WNK1: variants seen among roughly 807,000 people sequenced by gnomAD.
WNK1 encodes the protein serine/threonine-protein kinase WNK1.
A neutral mutation model predicts 222.8 loss-of-function variants in WNK1; 38 were observed. The observed-to-expected ratio is 0.17, with a 90% CI of 0.13 to 0.22. The LOEUF (loss-of-function observed/expected upper bound fraction) is 0.22, where lower values mean the gene tolerates loss of function less well. Among genes scored for constraint, WNK1 ranks in the 10% least tolerant of loss-of-function variants. WNK1 has a pLI of 1.00. For missense variants in WNK1, 2,348 were observed against 2,918.4 expected, an observed-to-expected ratio of 0.80 and a Z score of 4.50; for synonymous variants, 1,090 against 1,092.9, an observed-to-expected ratio of 1.00 and a Z score of 0.05.
Position 878,280 on chromosome 12 carries a change from C to T in WNK1, c.2292C>T (p.Thr764=), listed in dbSNP as rs1161937387. Residue 764 remains threonine (T), a synonymous_variant, in exon 10 of 28, where the codon ACC becomes ACT. Transcript: ENST00000315939. ...TVQYSLSQTS[T]SSEATTAQPV... ...AGTATTCACTTTCACAGACATCAAC[C>T]TCCAGTGAGGCCACTACTGCACAGC... The T allele has an allele frequency of 1.2e-6, 2 of 1,614,082 alleles. No homozygotes were observed. Among genetic ancestry groups the T allele is most frequent in the Admixed American group, 3.3e-5 (2 of 60,020 alleles).
intron 10 of WNK1, among the ~76,000 whole-genome samples, chr12:879,103 G>A (rs12312603): frequency 0.15 from 22,535 of 152,012 alleles, 1,683 homozygotes; most frequent in Admixed American, 0.19. Flanking sequence ...GAGCCATGTT[G>A]GACTTAAGAA....
intron 17 of WNK1, 53 bp downstream of exon 17, chr12:883,884 C>T (rs375063174): frequency 1.7e-5 from 28 of 1,600,302 alleles, no homozygotes; most frequent in East Asian, 2.2e-5. Context: ...AGCCATTAGC[C>T]GAGGGTGGTG....
In WNK1 at chr12:770,701, G is replaced by A. The variant is rs556926960; in HGVS notation, c.759+16377G>A. On this transcript the variant is annotated intron_variant, in intron 1 of 27. Coordinates refer to ENST00000315939, the MANE Select transcript of WNK1 (RefSeq NM_018979.4). ...TAATTCTTTGCTGTTGCTGAACACAGAAATTTGGGGTTTTAAACTCTTAGT... is the reference window on the plus strand; with the variant it reads ...TAATTCTTTGCTGTTGCTGAACACAAAAATTTGGGGTTTTAAACTCTTAGT... 2.0e-5 allele frequency among the ~76,000 whole-genome samples: 3 copies of A among 152,274 alleles called. No individual in the cohort carries two copies. The South Asian group carries it at 6.2e-4, about 32-fold the overall frequency.
chr12:842,911 A>G (rs1231331207), intron 4 of WNK1, among the ~76,000 whole-genome samples: 1 of 152,150 alleles, frequency 6.6e-6, no homozygotes, highest in East Asian at 1.9e-4. Context: ...GACAGCTAAC[A>G]GACTCAAGTG....
At chr12:852,792 A>G (rs72648662) in intron 4 of WNK1, among the ~76,000 whole-genome samples, 12 of 152,204 alleles carry the variant, frequency 7.9e-5, no homozygotes, top group African/African-American at 2.9e-4. Context: ...CATTTTAAAA[A>G]CTGTAACTTT....
intron 2 of WNK1, among the ~76,000 whole-genome samples, chr12:816,042 A>C (rs904333087): frequency 6.6e-6 from 1 of 152,216 alleles, no homozygotes; most frequent in Non-Finnish European, 1.5e-5. Flanking sequence ...TTTAATGTCC[A>C]TGCAAGGACA....
chr12:766,219 A>G (rs754420119), intron 1 of WNK1, among the ~76,000 whole-genome samples: 2 of 152,196 alleles, frequency 1.3e-5, no homozygotes, highest in East Asian at 1.9e-4. Flanking sequence ...CCATGTAACA[A>G]ACTTGCACAT....
chr12:879,548 G>GGT, intron 10 of WNK1, 25 bp from the exon 11 acceptor site: 5 of 765,374 alleles, frequency 6.5e-6, no homozygotes, highest in African/African-American at 3.4e-5. Context: ...AAGCCTGTCT[G>GGT]TTTTGTTTTT....
chr12:805,436 A>G (rs184500617), intron 1 of WNK1, among the ~76,000 whole-genome samples: 53 of 152,320 alleles, frequency 3.5e-4, no homozygotes, highest in Non-Finnish European at 8.8e-5. Flanking sequence ...GTATGTGTAA[A>G]TGGAAAAAAT....
chr12:762,871 C>T (rs866456478), intron 1 of WNK1, among the ~76,000 whole-genome samples: 6 of 146,474 alleles, frequency 4.1e-5, no homozygotes, highest in African/African-American at 1.2e-4. Context: ...CTCAGCCTCC[C>T]GAGTAGCTGG....
At chr12:866,064 G>A (rs1038156874) in intron 8 of WNK1, among the ~76,000 whole-genome samples, 7 of 73,466 alleles carry the variant, frequency 9.5e-5, no homozygotes, top group African/African-American at 2.6e-4. Context: ...AAGCATGTGG[G>A]TCCTTGCTGC....
rs183546067 is a variant in WNK1, at chr12:904,671, G to C, written c.6644-3176G>C. Among the ~76,000 whole-genome samples the C allele has an allele frequency of 1.6e-4, 24 of 152,300 alleles. No homozygotes were observed. The East Asian group carries it at 4.4e-3, about 28-fold the overall frequency. On this transcript the variant is annotated intron_variant, in intron 26 of 27. Coordinates refer to ENST00000315939, the MANE Select transcript of WNK1 (RefSeq NM_018979.4). ...AATCATCTCCTAGTCGGTGCCCTCAGTGATAACCCCATGTGAGCCTAGCTT... is the reference window on the plus strand; with the variant it reads ...AATCATCTCCTAGTCGGTGCCCTCACTGATAACCCCATGTGAGCCTAGCTT...
rs749432947 is a variant in WNK1 at position 885,367 on chromosome 12, C to T, written c.4563C>T (p.Thr1521=). The T allele has an allele frequency of 6.8e-6, 11 of 1,613,724 alleles. No individual in the cohort carries two copies. Among genetic ancestry groups the T allele is most frequent in the South Asian group, 4.4e-5 (4 of 91,088 alleles). Residue 1521 remains threonine, a synonymous_variant, in exon 19 of 28, where the codon ACC becomes ACT. Coordinates refer to ENST00000315939, the MANE Select transcript of WNK1 (RefSeq NM_018979.4). The part of the protein sequence containing the change: ...SSTSTPTLAE[T]VVVSAHSLDK... Reference sequence around the variant, plus strand: ...CTTCTACTCCTACTTTAGCTGAAACCGTGGTAGTTAGCGCACACTCACTAG... The same window carrying T: ...CTTCTACTCCTACTTTAGCTGAAACTGTGGTAGTTAGCGCACACTCACTAG...
In WNK1 at chr12:871,283, G is replaced by C; in HGVS notation, c.2158G>C (p.Gly720Arg). The C allele has an allele frequency of 1.2e-6, 2 of 1,614,118 alleles. No individual in the cohort carries two copies. Among genetic ancestry groups the C allele is most frequent in the South Asian group, 1.1e-5 (1 of 91,074 alleles). The part of the protein sequence containing the change: ...PSSVAQGQSQ[G>R]QPSSSSLTGV... ...CCTTCAGGCACAGGGGCAGAGCCAG[G>C]GTCAGCCATCCTCAAGTAGCTTAAC... Residue 720 changes from glycine (G) to arginine (R), a missense_variant, in exon 9 of 28, where the codon GGT becomes CGT. Gly to Arg is a moderately radical substitution (Grantham distance 125). Transcript: ENST00000315939.
Position 753,602 on chromosome 12 carries a change from C to A in WNK1, c.37C>A (p.Pro13Thr). 1 of 1,612,770 alleles carries A rather than the reference C, an allele frequency of 6.2e-7. No individual in the cohort carries two copies. The highest frequency in any genetic ancestry group is 8.5e-7 in the Non-Finnish European group (1 of 1,179,934). The stretch of plus-strand genomic sequence containing the variant: ...CGCCGCAGAGAAGCAGAGCAGCACT[C>A]CCGGTTCCCTGTTCCTCTCGCCGCC... Reference protein sequence around the residue: ...GGAAEKQSSTPGSLFLSPPAP... With the variant: ...GGAAEKQSSTTGSLFLSPPAP... Residue 13 changes from proline (P) to threonine (T), a missense_variant, in exon 1 of 28, where the codon CCC (proline) becomes ACC (threonine). By Grantham distance (38) the Pro-to-Thr change is conservative. Around this residue, in one of 13 missense-constraint regions of WNK1, gnomAD observed 108 missense variants for 109.7 expected, o/e 0.98. Coordinates refer to ENST00000315939, the MANE Select transcript of WNK1 (RefSeq NM_018979.4). The surrounding 1 kb of genome is among the most constrained non-coding windows in gnomAD (Gnocchi z 5.2).
chr12:894,441 C>G, intron 22 of WNK1, 121 bp from the exon 23 acceptor site: 1 of 824,584 alleles, frequency 1.2e-6, no homozygotes, highest in South Asian at 1.4e-5. Context: ...TAAGGAAGTT[C>G]TCTTTGCCTC....
intron 2 of WNK1, among the ~76,000 whole-genome samples, chr12:819,943 C>T (rs777979185): frequency 2.6e-5 from 4 of 152,132 alleles, no homozygotes; most frequent in Non-Finnish European, 4.4e-5. Context: ...ATGCCAGTAC[C>T]GCATTGCTCT....
chr12:901,660 A>AACTT, intron 26 of WNK1: 2 of 1,274,278 alleles, frequency 1.6e-6, no homozygotes, highest in Non-Finnish European at 2.1e-6. Flanking sequence ...CTTTGTGTGT[A>AACTT]ACACCTTTAC....
At chr12:898,825 C>T (rs914441016) in intron 25 of WNK1, among the ~76,000 whole-genome samples, 2 of 152,104 alleles carry the variant, frequency 1.3e-5, no homozygotes, top group Non-Finnish European at 2.9e-5. Flanking sequence ...CTGCATTCTC[C>T]GCCTCCCAGT....
Sources: allele counts gnomAD v4.1 joint callset (sites outside exome capture counted in the v4.1 genomes callset), GRCh38; gene constraint gnomAD v4.1.1; regional missense constraint gnomAD v4.1.1; non-coding constraint Gnocchi (gnomAD v3.1); transcripts MANE v1.5; gene names NCBI Gene and HGNC (gene_info 2026-07-23, HGNC 2026-07-21).